GRM7: variants seen among roughly 807,000 people sequenced by gnomAD.
The protein encoded by GRM7 is glutamate metabotropic receptor 7.
GRM7 carries 35 observed loss-of-function variants against 84.5 expected under a neutral mutation model. The observed-to-expected ratio is 0.41, with a 90% confidence interval of 0.32 to 0.55. The LOEUF (loss-of-function observed/expected upper bound fraction) is 0.55, where lower values mean the gene tolerates loss of function less well. Ranked by LOEUF, GRM7 falls within the 20% of genes least tolerant of loss-of-function variation. The pLI is 0.19. For missense variants in GRM7, 1,003 were observed against 1,194.6 expected (o/e 0.84, Z 2.36); for synonymous variants, 487 against 455.1 (o/e 1.07, Z -0.89).
At chr3:7,726,645 A>C (rs1289088283) in intron 9 of GRM7, among the ~76,000 whole-genome samples, 1,331 of 111,372 alleles carry the variant, frequency 0.012, 106 homozygotes, top group African/African-American at 0.041. Context: ...ATATATATAT[A>C]TATATATATA....
At chr3:6,895,947 C>G (rs528893654) in intron 1 of GRM7, among the ~76,000 whole-genome samples, 1 of 152,002 alleles carries the variant, frequency 6.6e-6, no homozygotes, top group Non-Finnish European at 1.5e-5. Context: ...AGTAGTGCTC[C>G]TATGTAGTTC....
At chr3:7,309,519 C>T (rs1700317553) in intron 4 of GRM7, among the ~76,000 whole-genome samples, 1 of 152,070 alleles carries the variant, frequency 6.6e-6, no homozygotes, top group South Asian at 2.1e-4. Flanking sequence ...TAATGCTATA[C>T]CCTCAGATGG....
intron 1 of GRM7, among the ~76,000 whole-genome samples, chr3:6,969,199 C>G (rs1693643408): frequency 1.3e-5 from 2 of 152,058 alleles, no homozygotes; most frequent in East Asian, 3.9e-4. Context: ...AAAGTTGGCC[C>G]CATCAGGGCA....
intron 2 of GRM7, among the ~76,000 whole-genome samples, chr3:7,178,307 C>T (rs1460425125): frequency 6.6e-6 from 1 of 151,888 alleles, no homozygotes; most frequent in Non-Finnish European, 1.5e-5. Context: ...TTTTTCATTG[C>T]CTTGTTTCTG....
At chr3:7,345,144 A>G (rs886422934) in intron 4 of GRM7, among the ~76,000 whole-genome samples, 2 of 152,170 alleles carry the variant, frequency 1.3e-5, no homozygotes, top group Admixed American at 6.6e-5. Flanking sequence ...CTGACCTGTT[A>G]TAGAAATGAC....
chr3:6,901,998 A>G (rs541238107), intron 1 of GRM7, among the ~76,000 whole-genome samples: 1 of 152,146 alleles, frequency 6.6e-6, no homozygotes, highest in East Asian at 1.9e-4. Flanking sequence ...TATTTGCCCT[A>G]TGAAGATAAG....
chr3:7,113,185 G>GA (rs952689627), intron 1 of GRM7, among the ~76,000 whole-genome samples: 14 of 151,800 alleles, frequency 9.2e-5, no homozygotes, highest in Non-Finnish European at 1.3e-4. Context: ...CAAAATACGT[G>GA]AAAAAAATTA....
intron 8 of GRM7, among the ~76,000 whole-genome samples, chr3:7,623,256 T>C (rs1697444406): frequency 6.6e-6 from 1 of 152,016 alleles, no homozygotes; most frequent in Non-Finnish European, 1.5e-5. Flanking sequence ...TGTGCAGCCA[T>C]GGAGGGAATG....
intron 8 of GRM7, among the ~76,000 whole-genome samples, chr3:7,626,715 C>T (rs1229525998): frequency 6.6e-6 from 1 of 152,056 alleles, no homozygotes; most frequent in Non-Finnish European, 1.5e-5. Flanking sequence ...AGAGACCCAC[C>T]CTAATCATCT....
intron 2 of GRM7, among the ~76,000 whole-genome samples, chr3:7,178,357 A>G (rs1382014581): frequency 6.6e-6 from 1 of 151,514 alleles, no homozygotes; most frequent in African/African-American, 2.4e-5. Flanking sequence ...TTTGTTTTAC[A>G]TTGTGTAATC....
At chr3:7,286,844 A>T (rs1026720985) in intron 2 of GRM7, among the ~76,000 whole-genome samples, 1 of 152,168 alleles carries the variant, frequency 6.6e-6, no homozygotes, top group Admixed American at 6.5e-5. Context: ...AAAATCTTTC[A>T]TGTCTATTAT....
intron 2 of GRM7, among the ~76,000 whole-genome samples, chr3:7,197,803 C>T (rs886884722): frequency 1.3e-5 from 2 of 151,490 alleles, no homozygotes; most frequent in Non-Finnish European, 2.9e-5. Context: ...TCATGCTTAA[C>T]AATTCATAAT....
At chr3:7,301,175 C>T (rs527433410) in intron 3 of GRM7, among the ~76,000 whole-genome samples, 2 of 151,818 alleles carry the variant, frequency 1.3e-5, no homozygotes, top group South Asian at 2.1e-4. Flanking sequence ...TTTTTTCTCT[C>T]GTTATCTATC....
chr3:7,414,946 A>T, intron 4 of GRM7, 77 bp from the exon 5 acceptor site: 3 of 1,255,388 alleles, frequency 2.4e-6, no homozygotes, highest in Non-Finnish European at 3.3e-6. Context: ...AAGAAAAAAA[A>T]AGTCACTTTT....
chr3:7,375,055 C>T (rs550952341), intron 4 of GRM7, among the ~76,000 whole-genome samples: 4 of 152,106 alleles, frequency 2.6e-5, no homozygotes, highest in Non-Finnish European at 5.9e-5. Flanking sequence ...AGCTTCCTAG[C>T]AGATCTCCTT....
At chr3:6,986,273 C>T (rs946366484) in intron 1 of GRM7, among the ~76,000 whole-genome samples, 3 of 152,254 alleles carry the variant, frequency 2.0e-5, no homozygotes, top group Non-Finnish European at 4.4e-5. Flanking sequence ...GGGTGATAGA[C>T]ATGTTTACCA....
At chr3:7,056,350 C>T (rs1697220138) in intron 1 of GRM7, among the ~76,000 whole-genome samples, 1 of 151,868 alleles carries the variant, frequency 6.6e-6, no homozygotes, top group Non-Finnish European at 1.5e-5. Flanking sequence ...TCCTCAGGTG[C>T]CTTTTAGGTT....
chr3:7,093,475 C>G (rs950435966), intron 1 of GRM7, among the ~76,000 whole-genome samples: 1 of 151,238 alleles, frequency 6.6e-6, no homozygotes, highest in Non-Finnish European at 1.5e-5. Flanking sequence ...GTCAGGAGTT[C>G]GAGACCAGCC....
At position 7,732,396 on chromosome 3, in the gene GRM7, T is replaced by C. The variant is rs1286658415; in HGVS notation, c.2699-7961T>C. 1.3e-5 allele frequency among the ~76,000 whole-genome samples: 2 copies of C among 152,044 alleles called. 1 individual carries two copies. Among genetic ancestry groups the C allele is most frequent in the Non-Finnish European group, 2.9e-5 (2 of 68,002 alleles). On this transcript the variant is annotated intron_variant, in intron 9 of 9. Coordinates refer to ENST00000357716, the MANE Select transcript of GRM7 (RefSeq NM_000844.4). ...AGAAATTAGTGCTTCACCCTGGTTGTGTATGAGGAGGGAATAGTAGAGAGG... is the reference window on the plus strand; with the variant it reads ...AGAAATTAGTGCTTCACCCTGGTTGCGTATGAGGAGGGAATAGTAGAGAGG...
Sources: gnomAD v4.1 joint callset for allele counts (sites outside exome capture counted in the v4.1 genomes callset) on GRCh38, gnomAD v4.1.1 for gene constraint, MANE v1.5 for transcripts, NCBI Gene and HGNC (gene_info 2026-07-23, HGNC 2026-07-21) for gene names.